The following UPF2 variants were observed in gnomAD, a reference collection of about 807,000 sequenced individuals.
UPF2 encodes regulator of nonsense transcripts 2.
Under a neutral mutation model 141.4 loss-of-function variants are expected in UPF2, and 17 were observed. That is an observed-to-expected ratio of 0.12 (90% CI 0.08 to 0.18). The LOEUF (loss-of-function observed/expected upper bound fraction) is 0.18. UPF2 is among the 10% of genes least tolerant of loss of function. The pLI is 1.00. For missense variants in UPF2, 1,152 were observed against 1,515.9 expected (o/e 0.76, Z 3.99); for synonymous variants, 540 against 498.0 (o/e 1.08, Z -1.12).
intron 3 of UPF2, among the ~76,000 whole-genome samples, chr10:12,024,744 G>C (rs1034665614): frequency 6.6e-6 from 1 of 151,888 alleles, no homozygotes; most frequent in African/African-American, 2.4e-5. Flanking sequence ...ATCAGCCTGA[G>C]CAACATAGGG....
intron 2 of UPF2, among the ~76,000 whole-genome samples, chr10:12,034,481 C>T (rs765905141): frequency 1.3e-5 from 2 of 152,018 alleles, no homozygotes; most frequent in Non-Finnish European, 2.9e-5. Context: ...CGCCACCATG[C>T]CTGACTAATT....
Position 11,936,569 on chromosome 10 carries a change from T to C in UPF2, c.3522A>G (p.Leu1174=). The C allele has an allele frequency of 6.2e-7, 1 of 1,607,248 alleles. No homozygotes were observed. The highest frequency in any genetic ancestry group is 8.5e-7 in the Non-Finnish European group (1 of 1,177,340). Residue 1174 remains leucine (L), a synonymous_variant, in exon 19 of 22, where the codon TTA becomes TTG. Transcript: ENST00000357604. This position sits in a 1 kb window ranked among gnomAD's most constrained non-coding sequence, Gnocchi z 6.6. The part of the protein sequence containing the change: ...ESADTMPFVM[L]TRKGNKQQFK... ...CCTGCTGTTTATTGCCTTTTCTTGT[T>C]AACATGACAAACGGCATTGTGTCTG...
chr10:12,021,855 G>C (rs183726657), intron 3 of UPF2, among the ~76,000 whole-genome samples: 2 of 152,258 alleles, frequency 1.3e-5, no homozygotes, highest in African/African-American at 2.4e-5. Context: ...AATTATCTTA[G>C]ATTTTCTTGG....
At chr10:11,925,533 C>A (rs1832701471) in intron 21 of UPF2, among the ~76,000 whole-genome samples, 1 of 152,254 alleles carries the variant, frequency 6.6e-6, no homozygotes, top group African/African-American at 2.4e-5. Context: ...GTGAAGGAGA[C>A]AGAATGGAAA....
At chr10:11,963,355 C>CATTCATTCATTCATTCATTT (rs369200355) in intron 11 of UPF2, among the ~76,000 whole-genome samples, 92 of 152,244 alleles carry the variant, frequency 6.0e-4, no homozygotes, top group South Asian at 1.2e-3. Flanking sequence ...TTCATTCATT[C>CATTCATTCATTCATTCATTT]GAGACAGGGT....
At chr10:11,964,917 T>A (rs1476371825) in intron 10 of UPF2, among the ~76,000 whole-genome samples, 1 of 152,216 alleles carries the variant, frequency 6.6e-6, no homozygotes, top group Admixed American at 6.5e-5. Flanking sequence ...ACAAAATTCA[T>A]TTATGTCTCA....
At chr10:11,966,875 A>G (rs1331541827) in intron 10 of UPF2, among the ~76,000 whole-genome samples, 1 of 152,208 alleles carries the variant, frequency 6.6e-6, no homozygotes, top group East Asian at 1.9e-4. Context: ...GGGATGTTTC[A>G]GTTTAGGTAG....
intron 7 of UPF2, among the ~76,000 whole-genome samples, chr10:11,999,182 C>T (rs563701056): frequency 6.6e-6 from 1 of 151,988 alleles, no homozygotes; most frequent in East Asian, 1.9e-4. Context: ...TAGCTCTACC[C>T]ACCATCACTT....
intron 16 of UPF2, among the ~76,000 whole-genome samples, chr10:11,947,666 G>A (rs867571120): frequency 2.7e-5 from 4 of 150,296 alleles, no homozygotes; most frequent in East Asian, 2.0e-4. Context: ...ACGTCCACAC[G>A]GTCTCAGCTA....
intron 8 of UPF2, among the ~76,000 whole-genome samples, chr10:11,987,534 G>C (rs1268099429): frequency 6.6e-6 from 1 of 151,854 alleles, no homozygotes; most frequent in Non-Finnish European, 1.5e-5. Context: ...TAGGCGGGTG[G>C]ATCATTTGAG....
rs1039094884 is a variant in UPF2, at chr10:11,920,601, A to G, written c.*697T>C. 16 of 187,606 alleles carry G rather than the reference A, an allele frequency of 8.5e-5. No homozygotes were observed. Among genetic ancestry groups the G allele is most frequent in the African/African-American group, 3.5e-4 (15 of 42,352 alleles). The allele number at this position is 187,606 out of a possible 1,614,324, so 11.6% of individuals were successfully genotyped here. A position where few individuals can be genotyped will look rare whatever the true frequency, so the allele number is the denominator to read the frequency against. Reference sequence around the variant, plus strand: ...CCATCTGAATTAATGCTCTCTGTATAGTAAAATAGTCTCCACATTTTTCTT... The same window carrying G: ...CCATCTGAATTAATGCTCTCTGTATGGTAAAATAGTCTCCACATTTTTCTT... On this transcript the variant is annotated 3_prime_UTR_variant, in exon 22 of 22. Coordinates refer to ENST00000357604, the MANE Select transcript of UPF2 (RefSeq NM_015542.4).
Position 12,019,550 on chromosome 10 carries a change from T to G in UPF2, c.1146-5366A>C, listed in dbSNP as rs994774476. Among the ~76,000 whole-genome samples, 1 of 152,222 alleles carries G rather than the reference T, an allele frequency of 6.6e-6. No individual in the cohort carries two copies. Among genetic ancestry groups the G allele is most frequent in the African/African-American group, 2.4e-5 (1 of 41,452 alleles). On this transcript the variant is annotated intron_variant, in intron 3 of 21. Transcript: ENST00000357604. The surrounding 1 kb of genome is among the most constrained non-coding windows in gnomAD (Gnocchi z 4.5). ...GCAATATCATTGCACACTAGAGAGG[T>G]ACTTGTCCCCTTTTACAGATATAAA...
At chr10:12,040,347 G>A (rs1046609813) in intron 1 of UPF2, among the ~76,000 whole-genome samples, 5 of 152,098 alleles carry the variant, frequency 3.3e-5, no homozygotes, top group South Asian at 2.1e-4. Flanking sequence ...ACTTGAACCC[G>A]GGAGGCGGAG....
At chr10:11,973,865 C>T (rs772733414) in intron 9 of UPF2, among the ~76,000 whole-genome samples, 36 of 152,074 alleles carry the variant, frequency 2.4e-4, no homozygotes, top group Non-Finnish European at 8.8e-5. Flanking sequence ...CTTGGCAATG[C>T]GGGCTCTTTT....
intron 9 of UPF2, among the ~76,000 whole-genome samples, chr10:11,972,484 T>G (rs1323098743): frequency 6.6e-6 from 1 of 152,218 alleles, no homozygotes; most frequent in Non-Finnish European, 1.5e-5. Context: ...CTGCACCCGT[T>G]AACTCGTCAT....
At chr10:11,924,926 C>T (rs1832692675) in intron 21 of UPF2, among the ~76,000 whole-genome samples, 1 of 152,120 alleles carries the variant, frequency 6.6e-6, no homozygotes, top group Non-Finnish European at 1.5e-5. Flanking sequence ...TCGAGTGATT[C>T]TCCTGCCTCA....
chr10:12,001,817 C>T lies in UPF2; in HGVS notation c.1513G>A (p.Glu505Lys). The T allele has an allele frequency of 6.3e-7, 1 of 1,588,558 alleles. No homozygotes were observed. Among genetic ancestry groups the T allele is most frequent in the South Asian group, 1.2e-5 (1 of 85,434 alleles). ...SNKDDTKEAK[E>K]SKENKEVSSP... is the part of the protein sequence containing the mutation. ...GATACCTCCTTATTCTCCTTAGATT[C>T]TTTTGCCTCTGTTGAAAAACAAACA... is the stretch of plus-strand genomic sequence containing the variant. The change falls in exon 6 of 22, where the codon GAA (glutamate) becomes AAA (lysine). Residue 505 changes from glutamate (E) to lysine (K), a missense_variant. Glu to Lys is a moderately conservative substitution (Grantham distance 56). Transcript: ENST00000357604.
At position 11,979,073 on chromosome 10, in the gene UPF2, C is replaced by G; in HGVS notation, c.1937G>C (p.Gly646Ala). ...AATACATACATGAAATCTGAAATCC[C>G]CCCTCAGCATGGAACAAAGATCCTC... ...VAEDLCSMLR[G>A]DFRFHVRKKD... The change falls in exon 9 of 22, where the codon GGG becomes GCG. Residue 646 changes from glycine to alanine, a missense_variant. By Grantham distance (60) the Gly-to-Ala change is moderately conservative. Transcript: ENST00000357604. This position sits in a 1 kb window ranked among gnomAD's most constrained non-coding sequence, Gnocchi z 6.2. The G allele has an allele frequency of 6.2e-7, 1 of 1,611,862 alleles. No homozygotes were observed. Among genetic ancestry groups the G allele is most frequent in the African/African-American group, 1.3e-5 (1 of 74,956 alleles).
At chr10:12,035,778 ATT>A in intron 1 of UPF2, 1 of 171,432 alleles carries the variant, frequency 5.8e-6, no homozygotes. Context: ...ATGTCATTTA[ATT>A]GTAAATACTT....
Sources: gnomAD v4.1 joint callset for allele counts (sites outside exome capture counted in the v4.1 genomes callset) on GRCh38, gnomAD v4.1.1 for gene constraint, Gnocchi (gnomAD v3.1) non-coding constraint, MANE v1.5 for transcripts, NCBI Gene and HGNC (gene_info 2026-07-23, HGNC 2026-07-21) for gene names.